Variants in EHBP1 observed in about 807,000 individuals in gnomAD.
EHBP1 encodes the protein EH domain-binding protein 1.
EHBP1 carries 55 observed loss-of-function variants against 144.0 expected under a neutral mutation model. That is an observed-to-expected ratio of 0.38 (90% confidence interval 0.31 to 0.48). The LOEUF (loss-of-function observed/expected upper bound fraction) is 0.48. Ranked by LOEUF, EHBP1 falls within the 20% of genes least tolerant of loss-of-function variation. EHBP1 has a pLI of 0.98. For synonymous variants in EHBP1, 469 were observed against 472.7 expected (o/e 0.99, Z 0.10); for missense variants, 1,200 against 1,364.2 (o/e 0.88, Z 1.90).
intron 5 of EHBP1, among the ~76,000 whole-genome samples, chr2:62,785,185 G>C (rs1420080772): frequency 2.0e-5 from 3 of 151,972 alleles, no homozygotes; most frequent in African/African-American, 7.2e-5. Flanking sequence ...TTAGAATGCT[G>C]TTTGCAAACC....
chr2:62,816,614 C>CAGAAAG (rs1163274058), intron 5 of EHBP1, among the ~76,000 whole-genome samples: 3 of 152,108 alleles, frequency 2.0e-5, no homozygotes, highest in African/African-American at 7.2e-5. Flanking sequence ...GGTTAAATGT[C>CAGAAAG]AGAAAGAGGA....
At chr2:63,031,340 TC>T (rs1203841370) in intron 19 of EHBP1, among the ~76,000 whole-genome samples, 1 of 152,104 alleles carries the variant, frequency 6.6e-6, no homozygotes, top group Non-Finnish European at 1.5e-5. Context: ...ATTCAAGTTT[TC>T]CCCTTACTAG....
At chr2:62,923,471 C>G (rs2055248073) in intron 10 of EHBP1, among the ~76,000 whole-genome samples, 1 of 152,184 alleles carries the variant, frequency 6.6e-6, no homozygotes, top group African/African-American at 2.4e-5. Flanking sequence ...AGAAAAGTCC[C>G]TGACCTGCCA....
At chr2:62,755,697 T>G (rs1377757444) in intron 3 of EHBP1, among the ~76,000 whole-genome samples, 1 of 152,168 alleles carries the variant, frequency 6.6e-6, no homozygotes, top group Non-Finnish European at 1.5e-5. Context: ...CATTAACATA[T>G]GAGAAGGGGT....
chr2:62,730,467 T>G (rs2037400537), intron 2 of EHBP1, among the ~76,000 whole-genome samples: 1 of 152,192 alleles, frequency 6.6e-6, no homozygotes, highest in Non-Finnish European at 1.5e-5. Flanking sequence ...CTCCATGTCT[T>G]GTGGCTTGAT....
intron 5 of EHBP1, among the ~76,000 whole-genome samples, chr2:62,793,560 T>G (rs1304868393): frequency 6.6e-6 from 1 of 152,062 alleles, no homozygotes; most frequent in Non-Finnish European, 1.5e-5. Context: ...AAAATGAAAG[T>G]GATGACTAGG....
intron 19 of EHBP1, among the ~76,000 whole-genome samples, chr2:63,033,834 A>T (rs1179473171): frequency 6.6e-6 from 1 of 152,258 alleles, no homozygotes; most frequent in Middle Eastern, 3.4e-3. Flanking sequence ...GTTAACACTG[A>T]CTATTGCATG....
At position 62,979,183 on chromosome 2, in the gene EHBP1, C is replaced by T. The variant is rs193297470; in HGVS notation, c.2461-5C>T. On this transcript the variant is annotated splice_region_variant and splice_polypyrimidine_tract_variant and intron_variant, in intron 14 of 22. Coordinates refer to ENST00000431489, the MANE Select transcript of EHBP1 (RefSeq NM_001142616.3). The stretch of plus-strand genomic sequence containing the variant: ...CTGAGTTGGCAACTGTTCAATATAT[C>T]TTAGCAGCAAGATGAAGAGCGACGT... 2 of 1,611,298 alleles carry T rather than the reference C, an allele frequency of 1.2e-6. No individual in the cohort carries two copies. The highest frequency in any genetic ancestry group is 8.5e-7 in the Non-Finnish European group (1 of 1,178,618).
chr2:62,687,416 A>C (rs566808051), intron 1 of EHBP1, among the ~76,000 whole-genome samples: 1 of 152,354 alleles, frequency 6.6e-6, no homozygotes, highest in South Asian at 2.1e-4. Flanking sequence ...CTAGTAGTAC[A>C]AAAGAGATGT....
At position 62,777,422 on chromosome 2, in the gene EHBP1, CTA is replaced by C. The variant is rs1248266572; in HGVS notation, c.312+6034_312+6035del. 2.0e-5 allele frequency among the ~76,000 whole-genome samples: 3 copies of C among 150,598 alleles called. No individual in the cohort carries two copies. In the East Asian group the frequency reaches 6.2e-4, roughly 31 times the overall value. Reference sequence around the variant, plus strand: ...TCTGCAATATTTTAATATGGATTTTCTATATGCCCAGACATTTGGTGGTTATT... The same window carrying C: ...TCTGCAATATTTTAATATGGATTTTCTATGCCCAGACATTTGGTGGTTATT... On this transcript the variant is annotated intron_variant, in intron 5 of 22. Transcript: ENST00000431489.
At chr2:62,890,846 ATAG>A in intron 10 of EHBP1, among the ~76,000 whole-genome samples, 1 of 152,236 alleles carries the variant, frequency 6.6e-6, no homozygotes, top group Non-Finnish European at 1.5e-5. Flanking sequence ...TTGTCTGCCT[ATAG>A]TGTAATTAAT....
chr2:62,926,729 G>T (rs984885770), intron 10 of EHBP1, among the ~76,000 whole-genome samples: 6 of 152,034 alleles, frequency 3.9e-5, no homozygotes, highest in Admixed American at 2.0e-4. Context: ...GAAACTCTTA[G>T]ATACTGTTGG....
intron 5 of EHBP1, among the ~76,000 whole-genome samples, chr2:62,792,258 G>A (rs1394549165): frequency 6.6e-6 from 1 of 151,950 alleles, no homozygotes; most frequent in Non-Finnish European, 1.5e-5. Flanking sequence ...CAGAATGATG[G>A]TACTATAACA....
chr2:63,020,720 C>T (rs1250725705), intron 19 of EHBP1, among the ~76,000 whole-genome samples: 35 of 151,624 alleles, frequency 2.3e-4, no homozygotes, highest in Non-Finnish European at 2.5e-4. Flanking sequence ...GCTCAGTCGC[C>T]TAGGCTGGAG....
At chr2:62,689,583 G>C (rs2033835881) in intron 1 of EHBP1, among the ~76,000 whole-genome samples, 1 of 152,330 alleles carries the variant, frequency 6.6e-6, no homozygotes, top group East Asian at 1.9e-4. Context: ...GGTGGAGGTT[G>C]CCGAGAGGTA....
intron 10 of EHBP1, among the ~76,000 whole-genome samples, chr2:62,879,082 A>G (rs1019699877): frequency 1.3e-5 from 2 of 152,182 alleles, no homozygotes; most frequent in African/African-American, 4.8e-5. Flanking sequence ...TATCAATAAA[A>G]TTTAACATCC....
intron 14 of EHBP1, among the ~76,000 whole-genome samples, chr2:62,963,317 A>G (rs1479281995): frequency 6.6e-6 from 1 of 152,236 alleles, no homozygotes; most frequent in African/African-American, 2.4e-5. Context: ...TTTAAATGGC[A>G]CTAGTCTGTC....
intron 5 of EHBP1, among the ~76,000 whole-genome samples, chr2:62,799,150 A>G (rs1183630587): frequency 5.3e-5 from 8 of 152,166 alleles, no homozygotes; most frequent in African/African-American, 1.9e-4. Context: ...GGTAGTTTAT[A>G]CAACTTTTAT....
chr2:62,707,372 A>G, intron 2 of EHBP1, 77 bp downstream of exon 2: 1 of 1,080,630 alleles, frequency 9.3e-7, no homozygotes, highest in Non-Finnish European at 1.4e-6. Flanking sequence ...GTCTTCTGAT[A>G]GTATATTTAC....
Sources: allele counts gnomAD v4.1 joint callset (sites outside exome capture counted in the v4.1 genomes callset), GRCh38; gene constraint gnomAD v4.1.1; transcripts MANE v1.5; gene names NCBI Gene and HGNC (gene_info 2026-07-23, HGNC 2026-07-21).